The following SERTM1 variants were observed in gnomAD, a reference collection of about 807,000 sequenced individuals.
The protein encoded by SERTM1 is serine rich and transmembrane domain containing 1.
Under a neutral mutation model 5.5 loss-of-function variants are expected in SERTM1, and 1 was observed. The ratio of observed to expected loss-of-function variants is 0.18; its 90% CI spans 0.06 to 0.86. The LOEUF (loss-of-function observed/expected upper bound fraction) is 0.86. Among genes scored for constraint, SERTM1 ranks in the 40% least tolerant of loss-of-function variants. The pLI, the probability that SERTM1 is intolerant of heterozygous loss-of-function variation, is 0.69. For synonymous variants in SERTM1, 52 were observed against 55.1 expected, an observed-to-expected ratio of 0.94 and a Z score of 0.25; for missense variants, 91 against 122.4, an observed-to-expected ratio of 0.74 and a Z score of 1.21.
chr13:36,687,285 G>T (rs1385244303), intron 1 of SERTM1, among the ~76,000 whole-genome samples: 2 of 152,154 alleles, frequency 1.3e-5, no homozygotes, highest in African/African-American at 4.8e-5. Context: ...ATGCATATTT[G>T]TGATGTTCTA....
At chr13:36,685,740 T>C (rs745862145) in intron 1 of SERTM1, among the ~76,000 whole-genome samples, 29 of 152,170 alleles carry the variant, frequency 1.9e-4, no homozygotes, top group Non-Finnish European at 4.1e-4. Context: ...TAAGGCTAGT[T>C]ATAAGAGTTG....
chr13:36,678,751 T>G (rs1447192741), intron 1 of SERTM1, among the ~76,000 whole-genome samples: 1 of 150,176 alleles, frequency 6.7e-6, no homozygotes, highest in Non-Finnish European at 1.5e-5. Context: ...GTGACTCTTC[T>G]GTCATTTATT....
At chr13:36,684,124 C>A (rs1233366700) in intron 1 of SERTM1, among the ~76,000 whole-genome samples, 1 of 152,052 alleles carries the variant, frequency 6.6e-6, no homozygotes, top group African/African-American at 2.4e-5. Flanking sequence ...ATGGTGAAAC[C>A]CCGTCTCTAC....
intron 1 of SERTM1, among the ~76,000 whole-genome samples, chr13:36,689,066 A>G (rs2056760479): frequency 6.6e-6 from 1 of 152,158 alleles, no homozygotes; most frequent in Admixed American, 6.5e-5. Context: ...CTGGTTTTGT[A>G]CTTGACCGTT....
At chr13:36,690,034 G>A (rs1939076400) in intron 1 of SERTM1, among the ~76,000 whole-genome samples, 1 of 152,022 alleles carries the variant, frequency 6.6e-6, no homozygotes, top group African/African-American at 2.4e-5. Flanking sequence ...ATCCACCAAA[G>A]TACTATGGAA....
chr13:36,680,854 C>T (rs753577893), intron 1 of SERTM1, among the ~76,000 whole-genome samples: 1 of 151,996 alleles, frequency 6.6e-6, no homozygotes, highest in African/African-American at 2.4e-5. Context: ...CCGGTTCAAG[C>T]GATTCTCCTG....
intron 1 of SERTM1, among the ~76,000 whole-genome samples, chr13:36,690,791 A>T (rs2138096727): frequency 6.6e-6 from 1 of 152,324 alleles, no homozygotes; most frequent in African/African-American, 2.4e-5. Context: ...TGTGTACTGG[A>T]AAAAGCTTTT....
chr13:36,690,556 G>C (rs2056771548), intron 1 of SERTM1, among the ~76,000 whole-genome samples: 1 of 152,220 alleles, frequency 6.6e-6, no homozygotes, highest in Non-Finnish European at 1.5e-5. Flanking sequence ...ACTAAGGAGA[G>C]AGAAAGCATT....
At chr13:36,691,379 C>T (rs541721313) in intron 1 of SERTM1, among the ~76,000 whole-genome samples, 1 of 152,288 alleles carries the variant, frequency 6.6e-6, no homozygotes, top group African/African-American at 2.4e-5. Context: ...CGCTGTCTTA[C>T]GTTGTCTCTC....
chr13:36,683,041 C>A (rs891392484), intron 1 of SERTM1, among the ~76,000 whole-genome samples: 13 of 152,076 alleles, frequency 8.5e-5, no homozygotes, highest in African/African-American at 3.1e-4. Flanking sequence ...TTTTTCTTAA[C>A]CAAAAACAAT....
intron 1 of SERTM1, among the ~76,000 whole-genome samples, chr13:36,683,980 G>C (rs1273401099): frequency 6.6e-6 from 1 of 152,214 alleles, no homozygotes; most frequent in Non-Finnish European, 1.5e-5. Flanking sequence ...CTAAGTGGTT[G>C]GGTGAGCTTG....
At chr13:36,688,861 A>G (rs1306815399) in intron 1 of SERTM1, among the ~76,000 whole-genome samples, 2 of 152,114 alleles carry the variant, frequency 1.3e-5, no homozygotes, top group Non-Finnish European at 2.9e-5. Flanking sequence ...CCTGCTCTCT[A>G]AAAGTGGCTT....
At chr13:36,677,465 T>C (rs1290423107) in intron 1 of SERTM1, among the ~76,000 whole-genome samples, 1 of 152,176 alleles carries the variant, frequency 6.6e-6, no homozygotes, top group Non-Finnish European at 1.5e-5. Flanking sequence ...TGTACTTTGA[T>C]TCTTGATGTT....
In SERTM1 at chr13:36,694,889, T is replaced by C. The variant is rs1286554462; in HGVS notation, c.-173-17T>C. The C allele has an allele frequency of 5.4e-6, 3 of 560,374 alleles. No homozygotes were observed. Among genetic ancestry groups the C allele is most frequent in the Non-Finnish European group, 9.4e-6 (3 of 319,746 alleles). The allele number at this position is 560,374 out of a possible 1,614,324, so 34.7% of individuals were successfully genotyped here. On this transcript the variant is annotated splice_polypyrimidine_tract_variant and intron_variant, in intron 1 of 1. Coordinates refer to ENST00000315190, the MANE Select transcript of SERTM1 (RefSeq NM_203451.3). ...TGATTTTTCTGAAGAATGCACTGAC[T>C]TGCTTTTTTTTTTCAGTCTCAATGC...
chr13:36,680,495 T>G (rs1212427214), intron 1 of SERTM1, among the ~76,000 whole-genome samples: 1 of 152,192 alleles, frequency 6.6e-6, no homozygotes, highest in African/African-American at 2.4e-5. Context: ...GATTTAGGGT[T>G]GGAAAGGGGG....
chr13:36,683,090 G>A (rs1011642571), intron 1 of SERTM1, among the ~76,000 whole-genome samples: 9 of 151,924 alleles, frequency 5.9e-5, no homozygotes, highest in African/African-American at 1.9e-4. Flanking sequence ...TTTTCCACTA[G>A]GAGTCATGAG....
At chr13:36,683,578 G>A (rs1328791070) in intron 1 of SERTM1, among the ~76,000 whole-genome samples, 1 of 152,100 alleles carries the variant, frequency 6.6e-6, no homozygotes, top group Non-Finnish European at 1.5e-5. Context: ...GGCCAGCAAG[G>A]GGTGAAGATA....
At chr13:36,693,222 C>T (rs758742571) in intron 1 of SERTM1, among the ~76,000 whole-genome samples, 23 of 152,086 alleles carry the variant, frequency 1.5e-4, no homozygotes, top group Non-Finnish European at 2.4e-4. Flanking sequence ...ATAGTTTTTC[C>T]CATCCAATCT....
chr13:36,694,099 C>G (rs2056797461), intron 1 of SERTM1, among the ~76,000 whole-genome samples: 1 of 152,140 alleles, frequency 6.6e-6, no homozygotes, highest in Non-Finnish European at 1.5e-5. Flanking sequence ...TTATGTTGGT[C>G]AGTGCATAAC....
Sources: allele counts gnomAD v4.1 joint callset (sites outside exome capture counted in the v4.1 genomes callset), GRCh38; gene constraint gnomAD v4.1.1; transcripts MANE v1.5; gene names NCBI Gene and HGNC (gene_info 2026-07-23, HGNC 2026-07-21).